The following ABCC9 variants were observed in gnomAD, a reference collection of about 807,000 sequenced individuals.
The protein encoded by ABCC9 is ATP-binding cassette sub-family C member 9.
ABCC9 carries 95 observed loss-of-function variants against 188.3 expected under a neutral mutation model. The observed-to-expected ratio is 0.50, with a 90% CI of 0.43 to 0.60. The LOEUF (loss-of-function observed/expected upper bound fraction) is 0.60, where lower values mean the gene tolerates loss of function less well. ABCC9 is among the 20% of genes least tolerant of loss of function. The pLI is 0.00. For synonymous variants in ABCC9, 659 were observed against 652.7 expected (o/e 1.01, Z -0.15); for missense variants, 1,102 against 1,876.3 (o/e 0.59, Z 7.62).
In ABCC9 at chr12:21,915,496, G is replaced by GTATATATATA. The variant is rs1308868546; in HGVS notation, c.816+171_816+172insTATATATATA. ...TGTATATATGTGTGTGTGTGTGTGT[G>GTATATATATA]TGTGTATATATATATATATTTTTTT... On this transcript the variant is annotated intron_variant, in intron 7 of 39. Coordinates refer to ENST00000261200, the MANE Select transcript of ABCC9 (RefSeq NM_020297.4). 8.6e-3 allele frequency among the ~76,000 whole-genome samples: 47 copies of GTATATATATA among 5,438 alleles called. 13 individuals carry two copies. Among genetic ancestry groups the GTATATATATA allele is most frequent in the Non-Finnish European group, 0.017 (44 of 2,588 alleles). The allele number at this position is 5,438 out of a possible 152,430, so 3.6% of individuals were successfully genotyped here. A position where few individuals can be genotyped will look rare whatever the true frequency, so the allele number is the denominator to read the frequency against.
chr12:21,918,116 G>C (rs1343994365), intron 5 of ABCC9, among the ~76,000 whole-genome samples: 2 of 151,786 alleles, frequency 1.3e-5, no homozygotes, highest in Non-Finnish European at 2.9e-5. Flanking sequence ...AGATGGGAAA[G>C]ATATACAATG....
intron 5 of ABCC9, among the ~76,000 whole-genome samples, chr12:21,920,777 G>T (rs1202038514): frequency 6.6e-6 from 1 of 151,814 alleles, no homozygotes; most frequent in Non-Finnish European, 1.5e-5. Flanking sequence ...GAGTTCAATT[G>T]TTTTTATTTT....
intron 12 of ABCC9, among the ~76,000 whole-genome samples, chr12:21,905,743 T>A (rs1565469830): frequency 1.3e-5 from 2 of 152,138 alleles, no homozygotes; most frequent in African/African-American, 2.4e-5. Flanking sequence ...AAAGTTTTAC[T>A]TTTTTACTAA....
intron 3 of ABCC9, among the ~76,000 whole-genome samples, chr12:21,934,887 A>C (rs1295887578): frequency 1.3e-5 from 2 of 151,992 alleles, no homozygotes; most frequent in African/African-American, 4.8e-5. Flanking sequence ...TCATCATTGG[A>C]AGATTAGTTA....
intron 12 of ABCC9, among the ~76,000 whole-genome samples, chr12:21,898,366 G>C (rs1163346593): frequency 1.3e-5 from 2 of 152,116 alleles, no homozygotes; most frequent in African/African-American, 4.8e-5. Context: ...AGGATGTATT[G>C]AAGGGGTCAC....
At chr12:21,830,553 A>G (rs1943696136) in intron 30 of ABCC9, among the ~76,000 whole-genome samples, 2 of 152,228 alleles carry the variant, frequency 1.3e-5, no homozygotes, top group Non-Finnish European at 2.9e-5. Flanking sequence ...ATAAATCATC[A>G]TATGTCAAAG....
chr12:21,813,192 G>GT (rs1942380249), intron 35 of ABCC9, among the ~76,000 whole-genome samples: 1 of 152,132 alleles, frequency 6.6e-6, no homozygotes, highest in African/African-American at 2.4e-5. Flanking sequence ...AAATAGAGAA[G>GT]TAAATTCTGT....
chr12:21,864,601 T>G (rs1011042516), intron 18 of ABCC9, 124 bp from the exon 19 acceptor site: 8 of 709,658 alleles, frequency 1.1e-5, no homozygotes, highest in Non-Finnish European at 1.5e-5. Flanking sequence ...CCCAAATGGT[T>G]TCTGATATTA....
intron 29 of ABCC9, 94 bp downstream of exon 29, chr12:21,842,220 A>C (rs569063687): frequency 6.2e-6 from 9 of 1,454,972 alleles, no homozygotes; most frequent in Non-Finnish European, 8.5e-6. Context: ...TTTTCTTTCC[A>C]AATATTTTTG....
rs1943051865 is a variant in ABCC9 at position 21,821,807 on chromosome 12, AG to A, written c.3670-3557del. Among the ~76,000 whole-genome samples, 3 of 152,280 alleles carry A rather than the reference AG, an allele frequency of 2.0e-5. No individual in the cohort carries two copies. The South Asian group carries it at 6.2e-4, about 32-fold the overall frequency. Reference sequence around the variant, plus strand: ...AGGTAGGTAGTCTTATTCTGGCAAAAGGGCCAGCAAAAGAAGTGAAAACAGA... The same window carrying A: ...AGGTAGGTAGTCTTATTCTGGCAAAAGGCCAGCAAAAGAAGTGAAAACAGA... On this transcript the variant is annotated intron_variant, in intron 31 of 39. Transcript: ENST00000261200.
rs1366531902 is a variant in ABCC9, at chr12:21,852,176, T to C, written c.2690A>G (p.Lys897Arg). ...CTCAACATCTTTGGTTTGAATGTCC[T>C]TCAAAGTTCCTTCTCTTAGGACACT... ...DGSVLREGTL[K>R]DIQTKDVELY... The change falls in exon 24 of 40, where the codon AAG (lysine) becomes AGG (arginine). Residue 897 changes from lysine (K) to arginine (R), a missense_variant. Transcript: ENST00000261200. 2 of 1,613,832 alleles carry C rather than the reference T, an allele frequency of 1.2e-6. No homozygotes were observed. Among genetic ancestry groups the C allele is most frequent in the South Asian group, 2.2e-5 (2 of 91,070 alleles).
At chr12:21,848,855 T>C (rs1262365939) in intron 24 of ABCC9, among the ~76,000 whole-genome samples, 2 of 147,562 alleles carry the variant, frequency 1.4e-5, no homozygotes, top group African/African-American at 4.9e-5. Context: ...GAGGAGAAAA[T>C]ATGCAGAAAG....
At chr12:21,914,127 A>G (rs1014814993) in intron 7 of ABCC9, among the ~76,000 whole-genome samples, 1 of 152,164 alleles carries the variant, frequency 6.6e-6, no homozygotes, top group Non-Finnish European at 1.5e-5. Flanking sequence ...CTGACACAAA[A>G]CAGAGATTAT....
chr12:21,917,570 T>C (rs528435073), intron 5 of ABCC9, among the ~76,000 whole-genome samples: 1 of 152,312 alleles, frequency 6.6e-6, no homozygotes, highest in South Asian at 2.1e-4. Flanking sequence ...CATGTATCTA[T>C]GTAATTGAGT....
intron 5 of ABCC9, among the ~76,000 whole-genome samples, chr12:21,920,675 T>C (rs12821777): frequency 3.9e-5 from 6 of 151,998 alleles, no homozygotes; most frequent in Non-Finnish European, 5.9e-5. Context: ...TTTCCTAATT[T>C]TTGTACCCAT....
chr12:21,903,412 G>T (rs551385140), intron 12 of ABCC9, among the ~76,000 whole-genome samples: 10 of 152,244 alleles, frequency 6.6e-5, no homozygotes, highest in African/African-American at 2.4e-4. Context: ...TCAGCATAGT[G>T]TTGGAAGTAC....
At chr12:21,817,351 A>G in intron 32 of ABCC9, 44 bp from the exon 33 acceptor site, 1 of 1,602,506 alleles carries the variant, frequency 6.2e-7, no homozygotes, top group Non-Finnish European at 8.5e-7. Flanking sequence ...AAATTAAAGT[A>G]AGAAGTTGTG....
chr12:21,802,520 A>C (rs1395936260), intron 39 of ABCC9, among the ~76,000 whole-genome samples: 1 of 152,236 alleles, frequency 6.6e-6, no homozygotes, highest in Non-Finnish European at 1.5e-5. Flanking sequence ...ATATGTAACC[A>C]ATATAAAAAT....
intron 4 of ABCC9, among the ~76,000 whole-genome samples, chr12:21,931,777 T>C (rs1485976661): frequency 6.6e-6 from 1 of 152,186 alleles, no homozygotes; most frequent in Non-Finnish European, 1.5e-5. Flanking sequence ...GAATTGGCTA[T>C]GCTAGTATAA....
Sources: allele counts gnomAD v4.1 joint callset (sites outside exome capture counted in the v4.1 genomes callset), GRCh38; gene constraint gnomAD v4.1.1; transcripts MANE v1.5; gene names NCBI Gene and HGNC (gene_info 2026-07-23, HGNC 2026-07-21).